The following CDH12 variants were observed in gnomAD, a reference collection of about 807,000 sequenced individuals.
The protein encoded by CDH12 is cadherin 12.
Under a neutral mutation model 74.1 loss-of-function variants are expected in CDH12, and 41 were observed. The observed-to-expected ratio is 0.55, with a 90% confidence interval of 0.43 to 0.72. The LOEUF (loss-of-function observed/expected upper bound fraction) is 0.72. CDH12 is among the 30% of genes least tolerant of loss of function. CDH12 has a pLI of 0.00. For missense variants in CDH12, 945 were observed against 977.2 expected (o/e 0.97, Z 0.44); for synonymous variants, 399 against 355.0 (o/e 1.12, Z -1.39).
At position 21,842,272 on chromosome 5, in the gene CDH12, C is replaced by T; in HGVS notation, c.703G>A (p.Val235Ile). The change falls in exon 8 of 15, where the codon GTA becomes ATA. Residue 235 changes from valine (V) to isoleucine (I), a missense_variant. By Grantham distance (29) the Val-to-Ile change is conservative (BLOSUM62 3). Coordinates refer to ENST00000382254, the MANE Select transcript of CDH12 (RefSeq NM_004061.5). The stretch of plus-strand genomic sequence containing the variant: ...CCCATATCCTTGGCTTGGATGAGTA[C>T]TTGATATTGTTCTTTGACTTCTCTG... ...MDREVKEQYQVLIQAKDMGGQ... is the reference protein window; with the variant it reads ...MDREVKEQYQILIQAKDMGGQ... The T allele has an allele frequency of 6.2e-7, 1 of 1,613,106 alleles. No individual in the cohort carries two copies. Among genetic ancestry groups the T allele is most frequent in the Non-Finnish European group, 8.5e-7 (1 of 1,179,348 alleles).
Position 21,755,573 on chromosome 5 carries a change from A to G in CDH12, c.1885+18T>C. 1 of 1,603,442 alleles carries G rather than the reference A, an allele frequency of 6.2e-7. No homozygotes were observed. Among genetic ancestry groups the G allele is most frequent in the Non-Finnish European group, 8.5e-7 (1 of 1,171,576 alleles). On this transcript the variant is annotated intron_variant, in intron 14 of 14. Transcript: ENST00000382254. ...AGAGAGCGAGAAAAAATTAACAATGATTAATATTGAAACCAACCTAAGAGT... is the reference window on the plus strand; with the variant it reads ...AGAGAGCGAGAAAAAATTAACAATGGTTAATATTGAAACCAACCTAAGAGT...
At chr5:21,772,519 C>T (rs544692115) in intron 11 of CDH12, among the ~76,000 whole-genome samples, 19 of 152,206 alleles carry the variant, frequency 1.2e-4, no homozygotes, top group Admixed American at 2.6e-4. Flanking sequence ...ATTGATCCAC[C>T]GACCTTGGCC....
intron 2 of CDH12, among the ~76,000 whole-genome samples, chr5:22,409,853 A>T (rs959802917): frequency 1.3e-5 from 2 of 152,068 alleles, no homozygotes; most frequent in African/African-American, 4.8e-5. Context: ...TGAGGCTGAG[A>T]GTGGTAGTTC....
intron 8 of CDH12, among the ~76,000 whole-genome samples, chr5:21,833,126 TA>T (rs574419642): frequency 2.9e-4 from 13 of 44,116 alleles, no homozygotes; most frequent in Admixed American, 8.2e-4. Flanking sequence ...TAATATATAT[TA>T]TATTATAAAT....
intron 4 of CDH12, among the ~76,000 whole-genome samples, chr5:22,103,849 G>T (rs1442359245): frequency 6.6e-6 from 1 of 152,164 alleles, no homozygotes; most frequent in Non-Finnish European, 1.5e-5. Context: ...TGACAGAGAA[G>T]CATATGAAAT....
At chr5:22,230,920 A>G (rs1561240349) in intron 3 of CDH12, among the ~76,000 whole-genome samples, 1 of 152,224 alleles carries the variant, frequency 6.6e-6, no homozygotes, top group Non-Finnish European at 1.5e-5. Flanking sequence ...ATGAAGGAAT[A>G]GCAGATAGTA....
intron 5 of CDH12, among the ~76,000 whole-genome samples, chr5:22,054,747 C>T (rs1185540837): frequency 3.9e-5 from 6 of 151,990 alleles, no homozygotes; most frequent in African/African-American, 1.5e-4. Context: ...TGATTGAGGC[C>T]AAAAGGTCAG....
At chr5:22,363,442 T>C (rs1215203395) in intron 3 of CDH12, among the ~76,000 whole-genome samples, 1 of 152,184 alleles carries the variant, frequency 6.6e-6, no homozygotes, top group African/African-American at 2.4e-5. Context: ...GCTTGTTACA[T>C]TGGCAGAGTA....
intron 3 of CDH12, among the ~76,000 whole-genome samples, chr5:22,291,709 GCATGAAATAA>G (rs1456365912): frequency 3.9e-5 from 6 of 152,020 alleles, no homozygotes; most frequent in African/African-American, 1.4e-4. Context: ...AGACATAAAT[GCATGAAATAA>G]CAAATGTCTT....
chr5:22,063,718 T>A (rs142370603), intron 5 of CDH12, among the ~76,000 whole-genome samples: 20 of 152,152 alleles, frequency 1.3e-4, no homozygotes, highest in East Asian at 3.9e-4. Context: ...TGTTTTTTTT[T>A]AATGAGATTA....
At chr5:22,296,248 AGACTACAG>A (rs1190546219) in intron 3 of CDH12, among the ~76,000 whole-genome samples, 1 of 152,072 alleles carries the variant, frequency 6.6e-6, no homozygotes, top group African/African-American at 2.4e-5. Context: ...ATAACTTATA[AGACTACAG>A]GGCACATGAA....
intron 1 of CDH12, among the ~76,000 whole-genome samples, chr5:22,508,561 C>G (rs1413133500): frequency 8.5e-5 from 13 of 152,124 alleles, no homozygotes; most frequent in Non-Finnish European, 1.6e-4. Flanking sequence ...TTTTAAAGAT[C>G]TGAATAGGAA....
chr5:22,582,976 A>T (rs574037902), intron 1 of CDH12, among the ~76,000 whole-genome samples: 24 of 152,270 alleles, frequency 1.6e-4, no homozygotes, highest in Middle Eastern at 3.4e-3. Context: ...CTAAAGGGTC[A>T]TCTACCATAG....
intron 6 of CDH12, chr5:21,889,803 A>G: frequency 1.0e-6 from 1 of 985,196 alleles, no homozygotes; most frequent in South Asian, 4.7e-5. Context: ...ACTATTTCTC[A>G]ATATAGATGA....
chr5:22,763,022 G>A (rs1274878075), intron 1 of CDH12, among the ~76,000 whole-genome samples: 4 of 151,684 alleles, frequency 2.6e-5, no homozygotes, highest in South Asian at 4.2e-4. Flanking sequence ...TTTATACTTC[G>A]AATAAGAATT....
chr5:22,583,418 C>T (rs558857933), intron 1 of CDH12, among the ~76,000 whole-genome samples: 1 of 152,066 alleles, frequency 6.6e-6, no homozygotes, highest in South Asian at 2.1e-4. Context: ...TATTTACATA[C>T]AGAAAAGAGA....
intron 1 of CDH12, among the ~76,000 whole-genome samples, chr5:22,836,687 A>C (rs1465812659): frequency 6.6e-6 from 1 of 151,412 alleles, no homozygotes; most frequent in Non-Finnish European, 1.5e-5. Context: ...GTGTTTATTC[A>C]AAAAAAAATT....
intron 2 of CDH12, among the ~76,000 whole-genome samples, chr5:22,428,901 C>T (rs1554040157): frequency 6.6e-6 from 1 of 152,120 alleles, no homozygotes; most frequent in Non-Finnish European, 1.5e-5. Flanking sequence ...AAATCAAAGT[C>T]ATATGATCCT....
intron 5 of CDH12, among the ~76,000 whole-genome samples, chr5:22,030,921 T>C (rs916037275): frequency 5.3e-5 from 8 of 152,198 alleles, no homozygotes; most frequent in Non-Finnish European, 1.2e-4. Flanking sequence ...CTTACTTCCT[T>C]AAATCTCATG....
Sources: allele counts gnomAD v4.1 joint callset (sites outside exome capture counted in the v4.1 genomes callset), GRCh38; gene constraint gnomAD v4.1.1; transcripts MANE v1.5; gene names NCBI Gene and HGNC (gene_info 2026-07-23, HGNC 2026-07-21).